VMP1: variants seen among roughly 807,000 people sequenced by gnomAD.
VMP1 encodes the protein ectopic P-granules autophagy protein 3 homolog.
VMP1 carries 11 observed loss-of-function variants against 56.0 expected under a neutral mutation model. The ratio of observed to expected loss-of-function variants is 0.20; its 90% CI spans 0.12 to 0.32. The LOEUF (loss-of-function observed/expected upper bound fraction) is 0.32, where lower values mean the gene tolerates loss of function less well. Ranked by LOEUF, VMP1 falls within the 10% of genes least tolerant of loss-of-function variation. VMP1 has a pLI of 1.00. For missense variants in VMP1, 296 were observed against 490.3 expected (o/e 0.60, Z 3.74); for synonymous variants, 149 against 165.0 (o/e 0.90, Z 0.74).
In VMP1 at chr17:59,839,914, A is replaced by G. The variant is rs770031145; in HGVS notation, c.*3A>G. 1 of 1,610,288 alleles carries G rather than the reference A, an allele frequency of 6.2e-7. No individual in the cohort carries two copies. Among genetic ancestry groups the G allele is most frequent in the African/African-American group, 1.3e-5 (1 of 74,828 alleles). On this transcript the variant is annotated 3_prime_UTR_variant, in exon 12 of 12. Coordinates refer to ENST00000262291, the MANE Select transcript of VMP1 (RefSeq NM_030938.5). ...ACTCAGAGGAGAAAACTAAATAAGT[A>G]GAGAAAGTTTTAAACTGCAGAAATT...
chr17:59,812,465 G>A (rs1204672448), intron 9 of VMP1, among the ~76,000 whole-genome samples: 3 of 152,150 alleles, frequency 2.0e-5, no homozygotes, highest in Admixed American at 2.0e-4. Flanking sequence ...GAATAGAGAG[G>A]AGAGAAAAGG....
At chr17:59,732,430 A>G (rs1031646035) in intron 2 of VMP1, among the ~76,000 whole-genome samples, 2 of 152,116 alleles carry the variant, frequency 1.3e-5, no homozygotes, top group East Asian at 3.9e-4. Context: ...TTTAGTAGAG[A>G]TGGGATTTCA....
chr17:59,822,635 T>G (rs1195786652), intron 10 of VMP1, among the ~76,000 whole-genome samples: 1 of 152,156 alleles, frequency 6.6e-6, no homozygotes, highest in Non-Finnish European at 1.5e-5. Context: ...AGAAATGCTT[T>G]TAAATACAAG....
At chr17:59,800,122 G>A (rs975364061) in intron 7 of VMP1, among the ~76,000 whole-genome samples, 1 of 152,118 alleles carries the variant, frequency 6.6e-6, no homozygotes, top group Non-Finnish European at 1.5e-5. Context: ...CTGATAATGG[G>A]TAGAAAATAG....
chr17:59,811,568 C>T, intron 8 of VMP1, 102 bp from the exon 9 acceptor site: 2 of 831,898 alleles, frequency 2.4e-6, no homozygotes, highest in East Asian at 2.4e-5. Context: ...TATTGCTTTG[C>T]AGTGTAAGCA....
intron 10 of VMP1, among the ~76,000 whole-genome samples, chr17:59,821,096 G>A (rs1422986376): frequency 6.7e-6 from 1 of 150,266 alleles, no homozygotes; most frequent in African/African-American, 2.5e-5. Context: ...TCAGCCCCCC[G>A]AGTAGCTGGG....
intron 5 of VMP1, among the ~76,000 whole-genome samples, chr17:59,757,053 A>T (rs2035866098): frequency 6.6e-6 from 1 of 152,208 alleles, no homozygotes; most frequent in Admixed American, 6.5e-5. Flanking sequence ...GCAGCAGTGT[A>T]CATACTGATT....
chr17:59,832,761 A>ATTTTTTTTTTTTTTTTTTTTT (rs71145580), intron 10 of VMP1, among the ~76,000 whole-genome samples: 3 of 101,346 alleles, frequency 3.0e-5, no homozygotes, highest in Non-Finnish European at 5.6e-5. Flanking sequence ...GCCTGGCAAT[A>ATTTTTTTTTTTTTTTTTTTTT]TTTTTTTTTT....
chr17:59,708,337 C>T (rs2033768772), intron 1 of VMP1, among the ~76,000 whole-genome samples: 1 of 152,182 alleles, frequency 6.6e-6, no homozygotes, highest in Non-Finnish European at 1.5e-5. Context: ...CCTTTCCAAA[C>T]CCCTGAACCC....
At chr17:59,806,587 C>A (rs189150478) in intron 7 of VMP1, among the ~76,000 whole-genome samples, 1 of 151,584 alleles carries the variant, frequency 6.6e-6, no homozygotes, top group African/African-American at 2.4e-5. Context: ...TGATGGCGGG[C>A]GCCTGTAATC....
chr17:59,827,584 C>G (rs1270592893), intron 10 of VMP1, among the ~76,000 whole-genome samples: 1 of 152,050 alleles, frequency 6.6e-6, no homozygotes, highest in Non-Finnish European at 1.5e-5. Flanking sequence ...GCTGGGATTA[C>G]AGGCATGAGC....
intron 4 of VMP1, among the ~76,000 whole-genome samples, chr17:59,738,230 G>T (rs1354550674): frequency 6.6e-6 from 1 of 152,300 alleles, no homozygotes; most frequent in East Asian, 1.9e-4. Flanking sequence ...TGTATAAAAA[G>T]ACAGGTTCAT....
At position 59,789,614 on chromosome 17, in the gene VMP1, T is replaced by G. The variant is rs570165989; in HGVS notation, c.714+15729T>G. ...CTTATGAGTCTGTAAATCAGTAACA[T>G]GCTAAATACAAACCCACCCTTTGTT... On this transcript the variant is annotated intron_variant, in intron 7 of 11. Transcript: ENST00000262291. Among the ~76,000 whole-genome samples the G allele has an allele frequency of 1.2e-4, 19 of 152,144 alleles. No homozygotes were observed. The East Asian group carries it at 3.5e-3, about 28-fold the overall frequency.
At position 59,721,378 on chromosome 17, in the gene VMP1, C is replaced by T. The variant is rs148396611; in HGVS notation, c.-26-10043C>T. 2.6e-3 allele frequency among the ~76,000 whole-genome samples: 390 copies of T among 152,242 alleles called. 1 individual carries two copies. The highest frequency in any genetic ancestry group is 8.4e-3 in the African/African-American group (347 of 41,548). ...GAAAAATAAGGATGGGGATATTTTA[C>T]AAATATGCACAAATGCAAATTATTT... On this transcript the variant is annotated intron_variant, in intron 1 of 11. Coordinates refer to ENST00000262291, the MANE Select transcript of VMP1 (RefSeq NM_030938.5).
At chr17:59,718,456 A>G (rs1468644750) in intron 1 of VMP1, among the ~76,000 whole-genome samples, 2 of 151,558 alleles carry the variant, frequency 1.3e-5, no homozygotes, top group Non-Finnish European at 2.9e-5. Flanking sequence ...TCGGCCTCCC[A>G]AAGTGCTGGG....
chr17:59,836,428 G>A lies in VMP1; in HGVS notation c.975-1867G>A, dbSNP rs1047192594. On this transcript the variant is annotated intron_variant, in intron 10 of 11. Transcript: ENST00000262291. ...TCCCAGGATGGTATTGAACTCCTGG[G>A]CTCAAGCCATCCTCCCATCTTGGCC... is the stretch of plus-strand genomic sequence containing the variant. Among the ~76,000 whole-genome samples the A allele has an allele frequency of 4.6e-5, 7 of 151,716 alleles. No homozygotes were observed. In the Middle Eastern group the frequency reaches 0.01, roughly 221 times the overall value.
chr17:59,801,148 G>A (rs2645490), intron 7 of VMP1, among the ~76,000 whole-genome samples: 44,843 of 136,016 alleles, frequency 0.33, 9,518 homozygotes, highest in African/African-American at 0.57. Context: ...GTGTGTGTGT[G>A]TATGGCACAT....
rs140729910 is a variant in VMP1, at chr17:59,713,457, T to G, written c.-27+5709T>G. Among the ~76,000 whole-genome samples the G allele has an allele frequency of 3.9e-3, 587 of 151,768 alleles. 7 individuals are homozygous for G. The highest frequency in any genetic ancestry group is 0.014 in the African/African-American group (561 of 41,314). The stretch of plus-strand genomic sequence containing the variant: ...GCACTTACATATATAAATCTAGAGG[T>G]CAAAACCAGAAATACAAATACGGGA... On this transcript the variant is annotated intron_variant, in intron 1 of 11. Coordinates refer to ENST00000262291, the MANE Select transcript of VMP1 (RefSeq NM_030938.5).
At chr17:59,738,109 C>A (rs1366730751) in intron 4 of VMP1, among the ~76,000 whole-genome samples, 1 of 152,172 alleles carries the variant, frequency 6.6e-6, no homozygotes, top group East Asian at 1.9e-4. Context: ...TCCGTCACAG[C>A]AGCATGAATC....
Sources: allele counts gnomAD v4.1 joint callset (sites outside exome capture counted in the v4.1 genomes callset), GRCh38; gene constraint gnomAD v4.1.1; transcripts MANE v1.5; gene names NCBI Gene and HGNC (gene_info 2026-07-23, HGNC 2026-07-21).